The following TUSC3 variants were observed in gnomAD, a reference collection of about 807,000 sequenced individuals.
The protein encoded by TUSC3 is tumor suppressor candidate 3, also known as dolichyl-diphosphooligosaccharide--protein glycosyltransferase subunit TUSC3.
Under a neutral mutation model 44.8 loss-of-function variants are expected in TUSC3, and 45 were observed. That is an observed-to-expected ratio of 1.00 (90% confidence interval 0.79 to 1.29). The LOEUF (loss-of-function observed/expected upper bound fraction) is 1.29. TUSC3 is among the 50% of genes most tolerant of loss of function. The pLI is 0.00. For missense variants in TUSC3, 519 were observed against 437.9 expected (o/e 1.19, Z -1.65); for synonymous variants, 212 against 152.9 (o/e 1.39, Z -2.85).
At position 15,748,429 on chromosome 8, in the gene TUSC3, C is replaced by A. The variant is rs200667343; in HGVS notation, c.992C>A (p.Ser331Ter). Residue 331 changes from serine (S) to a stop codon, truncating the protein, a stop_gained, in exon 9 of 11, where the codon TCA (serine) becomes TAA (stop). Coordinates refer to ENST00000503731, the MANE Select transcript of TUSC3 (RefSeq NM_006765.4). LOFTEE classifies it high-confidence loss of function. ...LVVFFFSFLLSIFRSKYHGYP... is the reference protein window; with the variant it reads ...LVVFFFSFLL ...GTCTTCTTCTTCAGTTTTCTACTTT[C>A]AATATTTCGTTCCAAGTACCACGGC... The A allele has an allele frequency of 7.0e-5, 113 of 1,613,262 alleles. No homozygotes were observed. Among genetic ancestry groups the A allele is most frequent in the Non-Finnish European group, 8.1e-5 (95 of 1,179,530 alleles).
chr8:15,752,206 T>C (rs1457941040), intron 9 of TUSC3, among the ~76,000 whole-genome samples: 1 of 151,986 alleles, frequency 6.6e-6, no homozygotes, highest in East Asian at 1.9e-4. Flanking sequence ...ACACAGCATT[T>C]AGACAAAGGA....
intron 1 of TUSC3, among the ~76,000 whole-genome samples, chr8:15,557,822 T>A (rs1308324697): frequency 7.6e-6 from 1 of 132,074 alleles, no homozygotes; most frequent in African/African-American, 2.8e-5. Flanking sequence ...TGTTGGTGTA[T>A]AAGAATGCTT....
At chr8:15,444,597 C>A (rs1800066322) in intron 1 of TUSC3, among the ~76,000 whole-genome samples, 1 of 151,996 alleles carries the variant, frequency 6.6e-6, no homozygotes, top group Non-Finnish European at 1.5e-5. Flanking sequence ...AAGATTCTTG[C>A]TTAAAATTAG....
the TUSC3 span, among the ~76,000 whole-genome samples, chr8:15,828,801 C>G: frequency 6.6e-6 from 1 of 152,152 alleles, no homozygotes; most frequent in Non-Finnish European, 1.5e-5. Context: ...CTAACAAACT[C>G]TCTAAGGCTG....
chr8:15,815,850 T>C, the TUSC3 span, among the ~76,000 whole-genome samples: 1 of 152,174 alleles, frequency 6.6e-6, no homozygotes, highest in Non-Finnish European at 1.5e-5. Context: ...AATTGCAAAG[T>C]TGGCATTGTT....
chr8:15,541,525 G>A (rs1409418411), intron 1 of TUSC3, among the ~76,000 whole-genome samples: 1 of 152,152 alleles, frequency 6.6e-6, no homozygotes, highest in Non-Finnish European at 1.5e-5. Flanking sequence ...TAGCTGGGTA[G>A]AGACAGTGAA....
intron 2 of TUSC3, among the ~76,000 whole-genome samples, chr8:15,486,458 C>G (rs1330558085): frequency 6.6e-6 from 1 of 152,036 alleles, no homozygotes; most frequent in Non-Finnish European, 1.5e-5. Context: ...CAATTTTCTT[C>G]TTTTTCCATG....
chr8:15,640,512 G>C (rs922718598), intron 2 of TUSC3, among the ~76,000 whole-genome samples: 1 of 152,016 alleles, frequency 6.6e-6, no homozygotes, highest in African/African-American at 2.4e-5. Flanking sequence ...TTTTCTCCTG[G>C]TCTTGGCAAG....
intron 5 of TUSC3, 112 bp downstream of exon 5, chr8:15,662,408 T>A: frequency 1.4e-6 from 2 of 1,450,366 alleles, no homozygotes; most frequent in South Asian, 1.2e-5. Flanking sequence ...TAAGTCTGAA[T>A]GAGAAGTAAC....
chr8:15,587,732 A>G (rs1240871612), intron 1 of TUSC3, among the ~76,000 whole-genome samples: 1 of 151,984 alleles, frequency 6.6e-6, no homozygotes, highest in East Asian at 1.9e-4. Context: ...CCTTCCCCCT[A>G]CATTTCACAG....
chr8:15,741,551 G>A (rs993584087), intron 7 of TUSC3, among the ~76,000 whole-genome samples: 1 of 152,028 alleles, frequency 6.6e-6, no homozygotes, highest in African/African-American at 2.4e-5. Context: ...CGGGCATGGC[G>A]GTGCACTCCT....
At chr8:15,492,742 G>T (rs1340657887) in intron 2 of TUSC3, among the ~76,000 whole-genome samples, 1 of 151,296 alleles carries the variant, frequency 6.6e-6, no homozygotes, top group African/African-American at 2.4e-5. Context: ...TTTGAGACCT[G>T]CCTGGGCAAT....
At chr8:15,795,818 T>A in the TUSC3 span, among the ~76,000 whole-genome samples, 1 of 152,160 alleles carries the variant, frequency 6.6e-6, no homozygotes, top group African/African-American at 2.4e-5. Context: ...ATGCAGTCAA[T>A]CCTTATTTTG....
intron 7 of TUSC3, chr8:15,733,377 C>G (rs1295610041): frequency 5.3e-6 from 2 of 377,546 alleles, no homozygotes; most frequent in South Asian, 4.1e-5. Context: ...TAACTTGTTT[C>G]AATCCATGAT....
At chr8:15,730,862 T>A in intron 7 of TUSC3, 133 bp downstream of exon 7, 1 of 731,708 alleles carries the variant, frequency 1.4e-6, no homozygotes, top group Non-Finnish European at 2.3e-6. Flanking sequence ...ATATGACTAA[T>A]TTTTATTTTT....
chr8:15,587,321 A>G (rs1401578533), intron 1 of TUSC3, among the ~76,000 whole-genome samples: 1 of 152,140 alleles, frequency 6.6e-6, no homozygotes, highest in Non-Finnish European at 1.5e-5. Flanking sequence ...CATTCCAGAA[A>G]TGTACCTTTT....
At chr8:15,453,776 C>A (rs984832308) in intron 1 of TUSC3, among the ~76,000 whole-genome samples, 1 of 152,130 alleles carries the variant, frequency 6.6e-6, no homozygotes, top group Non-Finnish European at 1.5e-5. Flanking sequence ...CTCCCCCTAC[C>A]CACAACCAGG....
chr8:15,807,126 C>A, the TUSC3 span: 2 of 1,083,200 alleles, frequency 1.8e-6, no homozygotes, highest in South Asian at 2.6e-5. Context: ...AAAGAATGAC[C>A]ACCTTTCAAG....
At chr8:15,792,379 G>T in the TUSC3 span, among the ~76,000 whole-genome samples, 2 of 152,108 alleles carry the variant, frequency 1.3e-5, no homozygotes, top group Admixed American at 6.5e-5. Flanking sequence ...GGCCACTTTC[G>T]AGTGGCAAAA....
Sources: allele counts gnomAD v4.1 joint callset (sites outside exome capture counted in the v4.1 genomes callset), GRCh38; gene constraint gnomAD v4.1.1; transcripts MANE v1.5; gene names NCBI Gene and HGNC (gene_info 2026-07-23, HGNC 2026-07-21).